The following INSC variants were observed in gnomAD, a reference collection of about 807,000 sequenced individuals.
INSC encodes the protein protein inscuteable homolog.
In INSC, 67 loss-of-function variants were observed where a neutral mutation model predicts 58.6. The observed-to-expected ratio is 1.14, with a 90% confidence interval of 0.94 to 1.40. INSC has a LOEUF of 1.40. INSC is among the 40% of genes most tolerant of loss of function. The pLI, the probability that INSC is intolerant of heterozygous loss-of-function variation, is 0.00. For missense variants in INSC, 714 were observed against 692.0 expected, an observed-to-expected ratio of 1.03 and a Z score of -0.36; for synonymous variants, 262 against 276.1, an observed-to-expected ratio of 0.95 and a Z score of 0.51.
At chr11:15,145,201 T>G (rs1368384451) in intron 1 of INSC, among the ~76,000 whole-genome samples, 1 of 152,204 alleles carries the variant, frequency 6.6e-6, no homozygotes, top group Admixed American at 6.5e-5. Context: ...GCAAGTAATC[T>G]CATTTAATCC....
intron 2 of INSC, among the ~76,000 whole-genome samples, chr11:15,165,178 T>C (rs1040705297): frequency 2.0e-5 from 3 of 152,174 alleles, no homozygotes; most frequent in Admixed American, 6.5e-5. Flanking sequence ...GTCATATAGT[T>C]ACTCTGTCAG....
intron 2 of INSC, among the ~76,000 whole-genome samples, chr11:15,172,366 C>T (rs766309327): frequency 2.6e-5 from 4 of 152,164 alleles, no homozygotes; most frequent in Non-Finnish European, 5.9e-5. Context: ...TGCATAGGTA[C>T]AGACCTATGG....
Position 15,149,112 on chromosome 11 carries a change from C to G in INSC, c.-45-18C>G, listed in dbSNP as rs544907817. 2 of 1,589,068 alleles carry G rather than the reference C, an allele frequency of 1.3e-6. No homozygotes were observed. Among genetic ancestry groups the G allele is most frequent in the East Asian group, 4.5e-5 (2 of 44,132 alleles). On this transcript the variant is annotated intron_variant, in intron 1 of 12. Transcript: ENST00000379556. ...CTCTTTTAGGATCTCGTTGTGCCAT[C>G]CTGCCCTCTATTTTCAGGGTCACGA...
chr11:15,259,661 T>C, the INSC span, among the ~76,000 whole-genome samples: 3 of 152,216 alleles, frequency 2.0e-5, no homozygotes, highest in Non-Finnish European at 2.9e-5. Context: ...ACATGCATCT[T>C]TGAATTTCAT....
intron 2 of INSC, among the ~76,000 whole-genome samples, chr11:15,158,093 C>T (rs544278712): frequency 5.3e-4 from 80 of 152,182 alleles, no homozygotes; most frequent in African/African-American, 1.9e-3. Flanking sequence ...TGCCTTAGTT[C>T]AGGCTTCTGT....
At chr11:15,145,070 C>T (rs1289086253) in intron 1 of INSC, among the ~76,000 whole-genome samples, 2 of 152,178 alleles carry the variant, frequency 1.3e-5, no homozygotes, top group Admixed American at 1.3e-4. Flanking sequence ...TCCTTTTCAC[C>T]TCTCTTCCTG....
At chr11:15,173,170 T>TATTCC (rs1849459426) in intron 2 of INSC, among the ~76,000 whole-genome samples, 1 of 152,168 alleles carries the variant, frequency 6.6e-6, no homozygotes, top group Non-Finnish European at 1.5e-5. Context: ...CAATATGGAA[T>TATTCC]AGTGTTCAAA....
intron 8 of INSC, among the ~76,000 whole-genome samples, chr11:15,221,922 G>A (rs558218163): frequency 6.2e-4 from 94 of 152,288 alleles, no homozygotes; most frequent in African/African-American, 2.2e-3. Flanking sequence ...TCAGAAGGGA[G>A]TCCAGGACAA....
At chr11:15,188,086 C>A in intron 5 of INSC, 2 of 676,674 alleles carry the variant, frequency 3.0e-6, no homozygotes, top group Non-Finnish European at 3.6e-6. Flanking sequence ...AGTCCCCTGT[C>A]CCACAGTCAT....
At chr11:15,193,948 A>G (rs888828068) in intron 6 of INSC, among the ~76,000 whole-genome samples, 8 of 152,196 alleles carry the variant, frequency 5.3e-5, no homozygotes, top group African/African-American at 1.7e-4. Flanking sequence ...CCACATTAAC[A>G]TATCCCACCA....
chr11:15,112,448 CGCTGCAGCCAAG>C, upstream of INSC: 1 of 1,577,232 alleles, frequency 6.3e-7, no homozygotes. Context: ...GACTTGGAGT[CGCTGCAGCCAAG>C]GCTGGAGCCA....
intron 1 of INSC, among the ~76,000 whole-genome samples, chr11:15,142,971 C>T (rs1848408214): frequency 6.6e-6 from 1 of 152,130 alleles, no homozygotes; most frequent in Non-Finnish European, 1.5e-5. Context: ...ATTCATCTTA[C>T]TGAATACTCA....
chr11:15,125,665 T>C (rs375948545), intron 1 of INSC, among the ~76,000 whole-genome samples: 79 of 152,350 alleles, frequency 5.2e-4, no homozygotes, highest in South Asian at 4.6e-3. Flanking sequence ...TATCCAGCTA[T>C]CCTTATTGCT....
At chr11:15,184,081 A>G (rs1195913115) in intron 5 of INSC, among the ~76,000 whole-genome samples, 1 of 152,108 alleles carries the variant, frequency 6.6e-6, no homozygotes, top group Non-Finnish European at 1.5e-5. Flanking sequence ...TTCTTATTTA[A>G]TGATTCCCTA....
chr11:15,149,093 T>C (rs1564869904), intron 1 of INSC, 37 bp from the exon 2 acceptor site: 3 of 1,534,504 alleles, frequency 2.0e-6, no homozygotes, highest in Non-Finnish European at 2.6e-6. Context: ...CCTCCTCTTT[T>C]AGGATCTCGT....
At chr11:15,198,573 A>ATC (rs367992225) in intron 6 of INSC, among the ~76,000 whole-genome samples, 11 of 151,762 alleles carry the variant, frequency 7.2e-5, no homozygotes, top group African/African-American at 2.4e-4. Context: ...TCAATCAGTC[A>ATC]TCTCTCTCTC....
At chr11:15,131,061 G>T (rs1333180758) in intron 1 of INSC, among the ~76,000 whole-genome samples, 1 of 151,748 alleles carries the variant, frequency 6.6e-6, no homozygotes, top group East Asian at 1.9e-4. Context: ...ACTTTCTTTA[G>T]AATTATTTTC....
chr11:15,215,220 A>G (rs1028198591), intron 7 of INSC, among the ~76,000 whole-genome samples: 2 of 152,320 alleles, frequency 1.3e-5, no homozygotes, highest in African/African-American at 4.8e-5. Flanking sequence ...ATTCCATTCC[A>G]TGTAAAATCT....
At chr11:15,239,501 A>C (rs2133977095) in intron 11 of INSC, among the ~76,000 whole-genome samples, 1 of 152,246 alleles carries the variant, frequency 6.6e-6, no homozygotes, top group East Asian at 1.9e-4. Context: ...TCATTCATTA[A>C]TTCACCCATT....
Sources: allele counts gnomAD v4.1 joint callset (sites outside exome capture counted in the v4.1 genomes callset), GRCh38; gene constraint gnomAD v4.1.1; transcripts MANE v1.5; gene names NCBI Gene and HGNC (gene_info 2026-07-23, HGNC 2026-07-21).